The following ELOVL7 variants were observed in gnomAD, a reference collection of about 807,000 sequenced individuals.
ELOVL7 encodes very long chain fatty acid elongase 7.
A neutral mutation model predicts 35.7 loss-of-function variants in ELOVL7; 27 were observed. The ratio of observed to expected loss-of-function variants is 0.76; its 90% confidence interval spans 0.56 to 1.04. ELOVL7 has a LOEUF of 1.04. ELOVL7 is among the 50% of genes least tolerant of loss of function. ELOVL7 has a pLI of 0.00. For missense variants in ELOVL7, 327 were observed against 340.8 expected (o/e 0.96, Z 0.32); for synonymous variants, 113 against 114.6 (o/e 0.99, Z 0.09).
At position 60,780,155 on chromosome 5, in the gene ELOVL7, T is replaced by G. The variant is rs111572505; in HGVS notation, c.64+7179A>C. The stretch of plus-strand genomic sequence containing the variant: ...TTTTTTTTAGATGTAGTTTCGTTCT[T>G]GTTGCCCAGGCTGGAGTGCAACGGT... On this transcript the variant is annotated intron_variant, in intron 3 of 8. Transcript: ENST00000508821. Among the ~76,000 whole-genome samples the G allele has an allele frequency of 6.2e-4, 94 of 151,612 alleles. 1 individual carries two copies. Among genetic ancestry groups the G allele is most frequent in the African/African-American group, 2.2e-3 (92 of 41,330 alleles).
At chr5:60,757,743 T>A (rs1741632924) in intron 7 of ELOVL7, 98 bp from the exon 8 acceptor site, 12 of 1,108,502 alleles carry the variant, frequency 1.1e-5, no homozygotes, top group Non-Finnish European at 1.2e-5. Flanking sequence ...TTCTTGCATT[T>A]TGGAAAAAAA....
chr5:60,836,040 AG>A (rs1252057571), intron 1 of ELOVL7, among the ~76,000 whole-genome samples: 1 of 152,026 alleles, frequency 6.6e-6, no homozygotes, highest in African/African-American at 2.4e-5. Context: ...GTCAACTGTT[AG>A]ATGTCAACGG....
intron 1 of ELOVL7, among the ~76,000 whole-genome samples, chr5:60,805,245 T>C (rs1744856895): frequency 6.6e-6 from 1 of 152,208 alleles, no homozygotes; most frequent in Non-Finnish European, 1.5e-5. Context: ...AACACTTTTT[T>C]AGGTGACAAT....
intron 2 of ELOVL7, among the ~76,000 whole-genome samples, chr5:60,797,774 T>C (rs1009360437): frequency 6.6e-6 from 1 of 152,018 alleles, no homozygotes; most frequent in Non-Finnish European, 1.5e-5. Context: ...GCACCCCCAA[T>C]AGGCATGGAA....
At chr5:60,812,092 C>T (rs1459027234) in intron 1 of ELOVL7, among the ~76,000 whole-genome samples, 1 of 152,116 alleles carries the variant, frequency 6.6e-6, no homozygotes, top group Non-Finnish European at 1.5e-5. Context: ...TGATGGCACA[C>T]ACCTGTTGTC....
intron 2 of ELOVL7, among the ~76,000 whole-genome samples, chr5:60,791,274 G>A (rs923532352): frequency 2.0e-5 from 3 of 152,168 alleles, no homozygotes; most frequent in African/African-American, 7.2e-5. Flanking sequence ...ACCGCACCCA[G>A]CCAAAATCAG....
At chr5:60,835,443 A>C (rs1345321508) in intron 1 of ELOVL7, among the ~76,000 whole-genome samples, 1 of 151,808 alleles carries the variant, frequency 6.6e-6, no homozygotes. Context: ...ACAGGGTCTC[A>C]CTCTGTCATC....
At chr5:60,841,742 GT>G (rs924414393) in intron 1 of ELOVL7, among the ~76,000 whole-genome samples, 67 of 151,696 alleles carry the variant, frequency 4.4e-4, no homozygotes, top group African/African-American at 1.3e-3. Context: ...CAATAAAAAG[GT>G]TTTTTTTTAA....
intron 3 of ELOVL7, among the ~76,000 whole-genome samples, chr5:60,774,805 G>A (rs1008306126): frequency 1.1e-4 from 15 of 137,288 alleles, no homozygotes; most frequent in African/African-American, 3.6e-4. Flanking sequence ...TGCTCTTGTC[G>A]CCCAGGCTGG....
At chr5:60,805,411 T>G (rs1288110296) in intron 1 of ELOVL7, among the ~76,000 whole-genome samples, 3 of 152,216 alleles carry the variant, frequency 2.0e-5, no homozygotes, top group Non-Finnish European at 2.9e-5. Context: ...ATTACAGTGG[T>G]GGCACCTGAT....
chr5:60,813,828 T>C (rs746299487), intron 1 of ELOVL7, among the ~76,000 whole-genome samples: 2 of 152,148 alleles, frequency 1.3e-5, no homozygotes, highest in Non-Finnish European at 2.9e-5. Flanking sequence ...GTCTTTTCTC[T>C]TAGATAGTTA....
chr5:60,754,718 A>G lies in ELOVL7; in HGVS notation c.752T>C (p.Leu251Pro), dbSNP rs1741429079. ...IIMSYSFMFL[L>P]LFLHFWYRAY... ...ACGGTACCAAAAATGGAGAAAGAGC[A>G]GCAGAAACATGAAACTGTAACTCAT... is the stretch of plus-strand genomic sequence containing the variant. Residue 251 changes from leucine to proline, a missense_variant, in exon 9 of 9, where the codon CTG becomes CCG. Leu to Pro is a moderately conservative substitution (Grantham distance 98). Transcript: ENST00000508821. 6 of 1,614,216 alleles carry G rather than the reference A, an allele frequency of 3.7e-6. No homozygotes were observed. The East Asian group carries it at 6.7e-5, about 18-fold the overall frequency.
intron 2 of ELOVL7, among the ~76,000 whole-genome samples, chr5:60,795,712 C>T (rs185787266): frequency 6.6e-6 from 1 of 152,332 alleles, no homozygotes; most frequent in African/African-American, 2.4e-5. Context: ...TCCAGTGAGG[C>T]GCCCATTGCC....
At chr5:60,819,247 T>C (rs1745746663) in intron 1 of ELOVL7, among the ~76,000 whole-genome samples, 1 of 151,858 alleles carries the variant, frequency 6.6e-6, no homozygotes, top group African/African-American at 2.4e-5. Context: ...ATAGACTCTT[T>C]TAAAAAAGCA....
rs951741038 is a variant in ELOVL7, at chr5:60,787,569, T to G, written c.-34-138A>C. The G allele has an allele frequency of 4.7e-5, 24 of 512,762 alleles. No individual in the cohort carries two copies. In the African/African-American group the frequency reaches 4.8e-4, roughly 10 times the overall value. 31.8% of individuals were successfully genotyped at this position (512,762 alleles called of 1,614,324 possible). ...ACAACAAACTCCCACTGAAGGCAAATGCATAAGTAAATTACTTTAAACCCT... is the reference window on the plus strand; with the variant it reads ...ACAACAAACTCCCACTGAAGGCAAAGGCATAAGTAAATTACTTTAAACCCT... On this transcript the variant is annotated intron_variant, in intron 2 of 8. Coordinates refer to ENST00000508821, the MANE Select transcript of ELOVL7 (RefSeq NM_024930.3).
chr5:60,833,201 G>T (rs1231810557), intron 1 of ELOVL7, among the ~76,000 whole-genome samples: 1 of 152,202 alleles, frequency 6.6e-6, no homozygotes, highest in Non-Finnish European at 1.5e-5. Context: ...CTCTAGTTGG[G>T]AGAACTTGTT....
At chr5:60,802,117 T>TATATACACAC (rs1744677197) in intron 1 of ELOVL7, among the ~76,000 whole-genome samples, 1 of 12,100 alleles carries the variant, frequency 8.3e-5, no homozygotes, top group African/African-American at 2.0e-4. Context: ...TATATATATA[T>TATATACACAC]ACACACACAC....
intron 2 of ELOVL7, among the ~76,000 whole-genome samples, chr5:60,793,405 A>G (rs1173429647): frequency 6.6e-6 from 1 of 152,160 alleles, no homozygotes; most frequent in Admixed American, 6.5e-5. Flanking sequence ...CACTGCCCTA[A>G]GCTAGCAGGC....
chr5:60,816,667 C>A (rs1329177318), intron 1 of ELOVL7, among the ~76,000 whole-genome samples: 1 of 152,204 alleles, frequency 6.6e-6, no homozygotes, highest in African/African-American at 2.4e-5. Context: ...GGCAGCTTCT[C>A]TTCCAGTTGA....
Sources: allele counts gnomAD v4.1 joint callset (sites outside exome capture counted in the v4.1 genomes callset), GRCh38; gene constraint gnomAD v4.1.1; transcripts MANE v1.5; gene names NCBI Gene and HGNC (gene_info 2026-07-23, HGNC 2026-07-21).